SNTG1: variants seen among roughly 807,000 people sequenced by gnomAD.
SNTG1 encodes the protein syntrophin gamma 1.
Under a neutral mutation model 74.7 loss-of-function variants are expected in SNTG1, and 39 were observed. The ratio of observed to expected loss-of-function variants is 0.52; its 90% CI spans 0.40 to 0.68. The LOEUF (loss-of-function observed/expected upper bound fraction) is 0.68. Ranked by LOEUF, SNTG1 falls within the 30% of genes least tolerant of loss-of-function variation. SNTG1 has a pLI of 0.00. For synonymous variants in SNTG1, 254 were observed against 217.1 expected (o/e 1.17, Z -1.49); for missense variants, 685 against 609.5 (o/e 1.12, Z -1.30).
chr8:50,433,325 G>T (rs919446515), intron 4 of SNTG1, among the ~76,000 whole-genome samples: 1 of 151,886 alleles, frequency 6.6e-6, no homozygotes, highest in Non-Finnish European at 1.5e-5. Context: ...CATTTCATAA[G>T]CCTTTATTTC....
At chr8:50,645,077 A>G (rs1461959365) in intron 13 of SNTG1, among the ~76,000 whole-genome samples, 1 of 151,058 alleles carries the variant, frequency 6.6e-6, no homozygotes, top group Non-Finnish European at 1.5e-5. Context: ...CAGTTGTAAC[A>G]TTTAAACTTC....
rs118166773 is a variant in SNTG1 at position 50,405,053 on chromosome 8, C to T, written c.162+2709C>T. Among the ~76,000 whole-genome samples, 53 of 152,096 alleles carry T rather than the reference C, an allele frequency of 3.5e-4. No individual in the cohort carries two copies. In the East Asian group the frequency reaches 9.5e-3, roughly 27 times the overall value. On this transcript the variant is annotated intron_variant, in intron 4 of 18. Transcript: ENST00000642720. ...ACCACCTTTTGTTTATCTTCTCACT[C>T]GGTAGTAAACATTGAGGTTGTTTCC...
intron 2 of SNTG1, among the ~76,000 whole-genome samples, chr8:50,259,831 T>G (rs1449564711): frequency 1.3e-5 from 2 of 152,144 alleles, no homozygotes; most frequent in East Asian, 3.9e-4. Context: ...TAAATGCAGA[T>G]GAATCACAAT....
chr8:50,380,886 T>C (rs1220074894), intron 2 of SNTG1: 1 of 152,224 alleles, frequency 6.6e-6, no homozygotes, highest in African/African-American at 2.4e-5. Context: ...AGAGGCCACA[T>C]CTGATGATGT....
chr8:50,657,831 T>A (rs1208567215), intron 14 of SNTG1, among the ~76,000 whole-genome samples: 1 of 152,170 alleles, frequency 6.6e-6, no homozygotes. Context: ...AGATACCTAT[T>A]GCACCTCAAG....
chr8:50,241,428 A>C (rs2086159122), intron 2 of SNTG1, among the ~76,000 whole-genome samples: 1 of 152,156 alleles, frequency 6.6e-6, no homozygotes, highest in Non-Finnish European at 1.5e-5. Flanking sequence ...ATATTTTTTA[A>C]TGTGTGGCAA....
intron 13 of SNTG1, among the ~76,000 whole-genome samples, chr8:50,629,708 A>AAG (rs2094983000): frequency 6.6e-6 from 1 of 152,166 alleles, no homozygotes; most frequent in African/African-American, 2.4e-5. Flanking sequence ...ACACCTCTGT[A>AAG]AGATTTACAT....
At chr8:50,540,578 T>C (rs760706582) in intron 11 of SNTG1, among the ~76,000 whole-genome samples, 3 of 152,196 alleles carry the variant, frequency 2.0e-5, no homozygotes, top group Non-Finnish European at 2.9e-5. Flanking sequence ...TATTAGGTTT[T>C]ACATAAACAT....
intron 8 of SNTG1, among the ~76,000 whole-genome samples, chr8:50,496,593 G>C (rs1180105285): frequency 6.6e-6 from 1 of 152,126 alleles, no homozygotes; most frequent in Non-Finnish European, 1.5e-5. Flanking sequence ...CTTCTTAATA[G>C]ATGAATGGAA....
In SNTG1 at chr8:50,297,701, G is replaced by A. The variant is rs149717402; in HGVS notation, c.-27-96511G>A. On this transcript the variant is annotated intron_variant, in intron 2 of 18. Transcript: ENST00000642720. ...AGATTTTGTTATGCTACTCAGAATG[G>A]CATGCAACCTAAAACCTATTCACTG... 1.1e-4 allele frequency among the ~76,000 whole-genome samples: 17 copies of A among 152,184 alleles called. 1 individual carries two copies. In the East Asian group the frequency reaches 3.3e-3, roughly 30 times the overall value.
At chr8:49,957,826 C>T (rs927567508) in intron 1 of SNTG1, among the ~76,000 whole-genome samples, 2 of 151,936 alleles carry the variant, frequency 1.3e-5, no homozygotes, top group African/African-American at 4.8e-5. Flanking sequence ...AAAAGCCAGG[C>T]ATGGTGGTGT....
chr8:50,489,831 T>C (rs1422281616), intron 8 of SNTG1, among the ~76,000 whole-genome samples: 1 of 152,224 alleles, frequency 6.6e-6, no homozygotes, highest in Non-Finnish European at 1.5e-5. Flanking sequence ...GTTTTAGTCA[T>C]GAAGTCTTTG....
At chr8:49,924,794 CAAGTTGT>C (rs896616247) in intron 1 of SNTG1, among the ~76,000 whole-genome samples, 4 of 151,622 alleles carry the variant, frequency 2.6e-5, no homozygotes, top group African/African-American at 9.7e-5. Context: ...AGAGAAGAGG[CAAGTTGT>C]AAGTCTTGCT....
intron 1 of SNTG1, among the ~76,000 whole-genome samples, chr8:50,023,182 A>C (rs1246657890): frequency 6.6e-6 from 1 of 152,064 alleles, no homozygotes; most frequent in Non-Finnish European, 1.5e-5. Flanking sequence ...GCCTGTGGAG[A>C]GGGACAGATG....
chr8:50,667,155 T>G (rs2095254694), intron 15 of SNTG1, among the ~76,000 whole-genome samples: 1 of 152,206 alleles, frequency 6.6e-6, no homozygotes, highest in African/African-American at 2.4e-5. Context: ...TCGATATCAT[T>G]ATTAGGCAAA....
chr8:50,502,995 A>T lies in SNTG1; in HGVS notation c.466+115A>T, dbSNP rs1039826740. The T allele has an allele frequency of 5.2e-5, 39 of 754,830 alleles. No homozygotes were observed. In the African/African-American group the frequency reaches 6.0e-4, roughly 12 times the overall value. The allele number at this position is 754,830 out of a possible 1,614,324, so 46.8% of individuals were successfully genotyped here. On this transcript the variant is annotated intron_variant, in intron 9 of 18. Coordinates refer to ENST00000642720, the MANE Select transcript of SNTG1 (RefSeq NM_018967.5). Reference sequence around the variant, plus strand: ...AGTTGAGATTTTTGCCTGACTGTAAACATTTTTATATTACAAAGTGTTCTA... The same window carrying T: ...AGTTGAGATTTTTGCCTGACTGTAATCATTTTTATATTACAAAGTGTTCTA...
chr8:50,138,103 C>T (rs1464083919), intron 1 of SNTG1, among the ~76,000 whole-genome samples: 3 of 152,016 alleles, frequency 2.0e-5, no homozygotes, highest in Admixed American at 6.6e-5. Context: ...TTTACAGATG[C>T]TGGTAATTGT....
At chr8:50,154,540 G>C (rs1484506858) in intron 1 of SNTG1, among the ~76,000 whole-genome samples, 1 of 152,088 alleles carries the variant, frequency 6.6e-6, no homozygotes, top group Non-Finnish European at 1.5e-5. Context: ...AAACCCAGCA[G>C]ACGCCACTGT....
intron 1 of SNTG1, among the ~76,000 whole-genome samples, chr8:50,025,851 T>C: frequency 6.6e-6 from 1 of 152,210 alleles, no homozygotes; most frequent in East Asian, 1.9e-4. Flanking sequence ...GTATGCAGAA[T>C]GCATCCTACT....
Sources: gnomAD v4.1 joint callset for allele counts (sites outside exome capture counted in the v4.1 genomes callset) on GRCh38, gnomAD v4.1.1 for gene constraint, MANE v1.5 for transcripts, NCBI Gene and HGNC (gene_info 2026-07-23, HGNC 2026-07-21) for gene names.